ZFAND3: variants seen among roughly 807,000 people sequenced by gnomAD.
ZFAND3 encodes the protein AN1-type zinc finger protein 3.
Under a neutral mutation model 29.6 loss-of-function variants are expected in ZFAND3, and 10 were observed. That is an observed-to-expected ratio of 0.34 (90% CI 0.21 to 0.57). ZFAND3 has a LOEUF of 0.57. ZFAND3 is among the 20% of genes least tolerant of loss of function. ZFAND3 has a pLI of 0.86. For missense variants in ZFAND3, 230 were observed against 304.5 expected (o/e 0.76, Z 1.82); for synonymous variants, 128 against 112.6 (o/e 1.14, Z -0.87).
chr6:38,069,632 A>T (rs1216198798), intron 3 of ZFAND3, among the ~76,000 whole-genome samples: 1 of 152,134 alleles, frequency 6.6e-6, no homozygotes, highest in Non-Finnish European at 1.5e-5. Flanking sequence ...ACAGTATAAT[A>T]ATGTACAGTT....
chr6:37,984,698 C>T (rs1044771845), intron 2 of ZFAND3, among the ~76,000 whole-genome samples: 1 of 152,192 alleles, frequency 6.6e-6, no homozygotes, highest in Non-Finnish European at 1.5e-5. Context: ...TTCTACATTC[C>T]AGCATCCAGG....
intron 2 of ZFAND3, among the ~76,000 whole-genome samples, chr6:38,053,210 A>G (rs560806573): frequency 1.3e-5 from 2 of 152,222 alleles, no homozygotes; most frequent in Non-Finnish European, 2.9e-5. Context: ...GTTCTAAGCC[A>G]TGGTTAGGAT....
chr6:38,012,439 C>A lies in ZFAND3; in HGVS notation c.113-49154C>A, dbSNP rs553216299. ...TGTCACCCAGGCTGGAGTGCAGTGG[C>A]GCGATCTTGGCTCACTGCAACCTCC... On this transcript the variant is annotated intron_variant, in intron 2 of 5. Coordinates refer to ENST00000287218, the MANE Select transcript of ZFAND3 (RefSeq NM_021943.3). 1.5e-4 allele frequency among the ~76,000 whole-genome samples: 22 copies of A among 143,404 alleles called. No individual in the cohort carries two copies. In the East Asian group the frequency reaches 4.6e-3, roughly 30 times the overall value. The allele number at this position is 143,404 out of a possible 152,430, so 94.1% of individuals were successfully genotyped here. A position where few individuals can be genotyped will look rare whatever the true frequency, so the allele number is the denominator to read the frequency against.
chr6:37,820,574 G>A (rs1043401731), intron 1 of ZFAND3, among the ~76,000 whole-genome samples: 1 of 152,212 alleles, frequency 6.6e-6, no homozygotes, highest in Non-Finnish European at 1.5e-5. Context: ...CCAGAACCAG[G>A]CTGGGGTAAA....
intron 2 of ZFAND3, among the ~76,000 whole-genome samples, chr6:38,012,855 G>A (rs1057333017): frequency 1.2e-4 from 18 of 152,168 alleles, no homozygotes; most frequent in African/African-American, 4.3e-4. Context: ...GTGTACATCA[G>A]GAGGGGGAAT....
chr6:37,915,965 C>T (rs1761242036), intron 1 of ZFAND3, among the ~76,000 whole-genome samples: 1 of 151,864 alleles, frequency 6.6e-6, no homozygotes, highest in Non-Finnish European at 1.5e-5. Flanking sequence ...GACAGGGTTT[C>T]ACCATGTTGG....
chr6:38,108,928 C>T (rs940176757), intron 4 of ZFAND3, among the ~76,000 whole-genome samples: 8 of 152,126 alleles, frequency 5.3e-5, no homozygotes, highest in Non-Finnish European at 1.0e-4. Flanking sequence ...TATTCATTAA[C>T]CTTTTCTATA....
Position 37,819,908 on chromosome 6 carries a change from ACCGCTGCCGCCG to A in ZFAND3, c.-34_-23del. The A allele has an allele frequency of 8.6e-7, 1 of 1,158,470 alleles. No homozygotes were observed. The highest frequency in any genetic ancestry group is 1.1e-6 in the Non-Finnish European group (1 of 935,586). The allele number at this position is 1,158,470 out of a possible 1,614,324, so 71.8% of individuals were successfully genotyped here. On this transcript the variant is annotated 5_prime_UTR_variant, in exon 1 of 6. Coordinates refer to ENST00000287218, the MANE Select transcript of ZFAND3 (RefSeq NM_021943.3). ...GCGGGGCCCGGGCCCAGCCGCCGCC[ACCGCTGCCGCCG>A]CCGAGCTCCGCCGCCGCCGAGCACC...
At chr6:38,018,402 C>T (rs1230463118) in intron 2 of ZFAND3, among the ~76,000 whole-genome samples, 5 of 151,980 alleles carry the variant, frequency 3.3e-5, no homozygotes, top group East Asian at 1.9e-4. Flanking sequence ...AAACATATAA[C>T]GTTTTATTTT....
intron 1 of ZFAND3, among the ~76,000 whole-genome samples, chr6:37,913,924 C>T (rs1761179646): frequency 6.6e-6 from 1 of 151,816 alleles, no homozygotes; most frequent in South Asian, 2.1e-4. Context: ...GGGGTTTCGC[C>T]ATGTTGGCCA....
chr6:37,929,876 A>G (rs1014695351), intron 1 of ZFAND3, 83 bp from the exon 2 acceptor site: 10 of 1,368,022 alleles, frequency 7.3e-6, no homozygotes, highest in Admixed American at 4.9e-5. Flanking sequence ...TTCTTTGCCT[A>G]CGTTTCTGAC....
rs1276925378 is a variant in ZFAND3, at chr6:37,925,576, C to T, written c.72-4383C>T. Among the ~76,000 whole-genome samples, 6 of 151,882 alleles carry T rather than the reference C, an allele frequency of 4.0e-5. No homozygotes were observed. The East Asian group carries it at 7.7e-4, about 20-fold the overall frequency. On this transcript the variant is annotated intron_variant, in intron 1 of 5. Transcript: ENST00000287218. ...AAAATTAGCCGGGCGTGGTGGCGGG[C>T]GCCTGTAATCCCAGCTACCTGGGAG...
At chr6:38,089,198 C>G (rs755351581) in intron 4 of ZFAND3, among the ~76,000 whole-genome samples, 4 of 152,076 alleles carry the variant, frequency 2.6e-5, no homozygotes, top group Non-Finnish European at 5.9e-5. Context: ...TCTTGGCACA[C>G]TGCAACCTCT....
At chr6:38,075,486 T>C (rs567273043) in intron 3 of ZFAND3, among the ~76,000 whole-genome samples, 5 of 152,188 alleles carry the variant, frequency 3.3e-5, no homozygotes, top group Non-Finnish European at 7.3e-5. Context: ...TATAAAACTT[T>C]AATGGATGAG....
chr6:38,080,019 C>T (rs991806837), intron 3 of ZFAND3, among the ~76,000 whole-genome samples: 2 of 151,140 alleles, frequency 1.3e-5, no homozygotes, highest in Non-Finnish European at 2.9e-5. Context: ...ATATTGCATT[C>T]TCTCAAATGT....
intron 2 of ZFAND3, among the ~76,000 whole-genome samples, chr6:37,946,920 T>G (rs1027675020): frequency 1.3e-5 from 2 of 152,032 alleles, no homozygotes; most frequent in African/African-American, 4.8e-5. Flanking sequence ...GAAAGTCAAT[T>G]TGGGAAGATG....
At chr6:38,099,062 A>G (rs1286324017) in intron 4 of ZFAND3, among the ~76,000 whole-genome samples, 1 of 151,960 alleles carries the variant, frequency 6.6e-6, no homozygotes, top group African/African-American at 2.4e-5. Flanking sequence ...AAATATTCCT[A>G]TTTCCTGAGG....
chr6:37,849,000 T>G (rs768457233), intron 1 of ZFAND3, among the ~76,000 whole-genome samples: 2 of 152,224 alleles, frequency 1.3e-5, no homozygotes, highest in African/African-American at 2.4e-5. Flanking sequence ...GGAAGGGGAA[T>G]TTGAAATAAA....
At chr6:37,830,866 A>T (rs1301179181) in intron 1 of ZFAND3, among the ~76,000 whole-genome samples, 10 of 152,214 alleles carry the variant, frequency 6.6e-5, no homozygotes, top group Non-Finnish European at 1.5e-5. Context: ...CAGTGAATAC[A>T]TATGGGGAAG....
Sources: gnomAD v4.1 joint callset for allele counts (sites outside exome capture counted in the v4.1 genomes callset) on GRCh38, gnomAD v4.1.1 for gene constraint, MANE v1.5 for transcripts, NCBI Gene and HGNC (gene_info 2026-07-23, HGNC 2026-07-21) for gene names.